The following C7orf57 variants were observed in gnomAD, a reference collection of about 807,000 sequenced individuals.
C7orf57 encodes uncharacterized protein C7orf57.
In C7orf57, 33 loss-of-function variants were observed where a neutral mutation model predicts 39.0. The observed-to-expected ratio is 0.85, with a 90% CI of 0.64 to 1.13. The LOEUF (loss-of-function observed/expected upper bound fraction) is 1.13. Ranked by LOEUF, C7orf57 falls within the 50% of genes most tolerant of loss-of-function variation. The pLI is 0.00. For missense variants in C7orf57, 346 were observed against 362.3 expected (o/e 0.95, Z 0.37); for synonymous variants, 124 against 137.1 (o/e 0.90, Z 0.67).
intron 6 of C7orf57, among the ~76,000 whole-genome samples, chr7:48,051,747 TTCTTTTCTTTC>T (rs1266305336): frequency 1.0e-4 from 6 of 59,202 alleles, no homozygotes; most frequent in African/African-American, 3.2e-4. Context: ...TTCTTTCTTT[TTCTTTTCTTTC>T]TTTCTTTCTT....
At position 48,035,643 on chromosome 7, in the gene C7orf57, G is replaced by A. The variant is rs917437387; in HGVS notation, c.-102+13G>A. 2 of 668,884 alleles carry A rather than the reference G, an allele frequency of 3.0e-6. No homozygotes were observed. 41.4% of individuals were successfully genotyped at this position (668,884 alleles called of 1,614,324 possible). ...CCGCGGGGAGCTGGTGAGCCTGAGC[G>A]GGCTGGAGGACAATGGGGGCGCCCA... is the stretch of plus-strand genomic sequence containing the variant. On this transcript the variant is annotated intron_variant, in intron 1 of 8. Transcript: ENST00000348904. This position sits in a 1 kb window ranked among gnomAD's most constrained non-coding sequence, Gnocchi z 4.0.
intron 6 of C7orf57, among the ~76,000 whole-genome samples, chr7:48,051,843 CTTTCTT>C (rs1203488059): frequency 1.6e-5 from 1 of 63,230 alleles, no homozygotes; most frequent in East Asian, 3.2e-4. Context: ...TTCTTTCTTT[CTTTCTT>C]TCTTTCTTTC....
chr7:48,054,842 T>TTAA (rs1791064197), intron 8 of C7orf57, among the ~76,000 whole-genome samples: 1 of 147,312 alleles, frequency 6.8e-6, no homozygotes, highest in South Asian at 2.1e-4. Flanking sequence ...TACAACAGGA[T>TTAA]GAAGATGATG....
intron 2 of C7orf57, among the ~76,000 whole-genome samples, chr7:48,038,879 G>A (rs1363937996): frequency 2.0e-5 from 3 of 152,112 alleles, no homozygotes; most frequent in African/African-American, 7.2e-5. Context: ...GGTGGGGGGT[G>A]GTTCCAGGTC....
At chr7:48,044,106 T>A (rs912777382) in intron 4 of C7orf57, among the ~76,000 whole-genome samples, 3 of 152,156 alleles carry the variant, frequency 2.0e-5, no homozygotes, top group African/African-American at 7.2e-5. Flanking sequence ...GGCACTTAGC[T>A]GCGCAGGAAC....
intron 4 of C7orf57, among the ~76,000 whole-genome samples, chr7:48,044,004 C>A (rs1460538770): frequency 6.6e-6 from 1 of 152,094 alleles, no homozygotes; most frequent in African/African-American, 2.4e-5. Context: ...TTGGGCCATG[C>A]ATGAGTGTTA....
Position 48,036,292 on chromosome 7 carries a change from G to A in C7orf57, c.-17G>A, listed in dbSNP as rs1790355154. On this transcript the variant is annotated 5_prime_UTR_variant, in exon 2 of 9. Coordinates refer to ENST00000348904, the MANE Select transcript of C7orf57 (RefSeq NM_001100159.3). ...CCGGCAGCATCTGTCTTTTCCCGCA[G>A]CGTGCAGCGCCTGACCATGAGGAAC... 2.5e-6 allele frequency: 4 copies of A among 1,574,282 alleles called. No individual in the cohort carries two copies. Among genetic ancestry groups the A allele is most frequent in the African/African-American group, 2.7e-5 (2 of 73,976 alleles).
chr7:48,057,948 G>A (rs1187750023), intron 8 of C7orf57, among the ~76,000 whole-genome samples: 1 of 151,968 alleles, frequency 6.6e-6, no homozygotes, highest in Non-Finnish European at 1.5e-5. Context: ...CACATTTAAT[G>A]ATATATTATG....
At chr7:48,047,912 T>C (rs1177928172) in intron 5 of C7orf57, among the ~76,000 whole-genome samples, 1 of 152,166 alleles carries the variant, frequency 6.6e-6, no homozygotes, top group Non-Finnish European at 1.5e-5. Context: ...CTCTTAGTGT[T>C]GCACAAGTGA....
chr7:48,047,389 T>C (rs1414387661), intron 5 of C7orf57, among the ~76,000 whole-genome samples: 4 of 152,240 alleles, frequency 2.6e-5, no homozygotes, highest in Non-Finnish European at 4.4e-5. Context: ...GTGAACACCG[T>C]TGTCACCTGA....
intron 6 of C7orf57, among the ~76,000 whole-genome samples, chr7:48,050,673 A>G (rs975837356): frequency 2.0e-5 from 3 of 152,224 alleles, no homozygotes; most frequent in African/African-American, 7.2e-5. Flanking sequence ...GTAAGTATAT[A>G]TGTATACCTA....
At chr7:48,036,153 C>T in intron 1 of C7orf57, 55 bp from the exon 2 acceptor site, 1 of 731,736 alleles carries the variant, frequency 1.4e-6, no homozygotes, top group Non-Finnish European at 2.4e-6. Context: ...GCAGGCGTGT[C>T]AGGGCGAGGC....
At chr7:48,050,784 C>G (rs1199239376) in intron 6 of C7orf57, among the ~76,000 whole-genome samples, 1 of 152,202 alleles carries the variant, frequency 6.6e-6, no homozygotes. Flanking sequence ...ATCCTCCCAC[C>G]TCAGCCTCCC....
chr7:48,043,084 T>G (rs1790598418), intron 3 of C7orf57, among the ~76,000 whole-genome samples: 1 of 152,138 alleles, frequency 6.6e-6, no homozygotes, highest in Admixed American at 6.5e-5. Context: ...GACCGTCCTA[T>G]GCTAGGAGAA....
chr7:48,046,367 A>G, intron 4 of C7orf57, 93 bp from the exon 5 acceptor site: 1 of 1,147,496 alleles, frequency 8.7e-7, no homozygotes, highest in Middle Eastern at 2.4e-4. Context: ...AGAAGGAGGG[A>G]GGGAAAGGGA....
Position 48,060,388 on chromosome 7 carries a change from AT to A in C7orf57, c.*117del. 1 of 592,858 alleles carries A rather than the reference AT, an allele frequency of 1.7e-6. No individual in the cohort carries two copies. Among genetic ancestry groups the A allele is most frequent in the Non-Finnish European group, 2.8e-6 (1 of 352,196 alleles). 36.7% of individuals were successfully genotyped at this position (592,858 alleles called of 1,614,324 possible). On this transcript the variant is annotated 3_prime_UTR_variant, in exon 9 of 9. Transcript: ENST00000348904. Reference sequence around the variant, plus strand: ...TTTTATTAATATAGACTCTCATTGAATAATTTACCTTGCAGCAGATTTGACA... The same window carrying A: ...TTTTATTAATATAGACTCTCATTGAAAATTTACCTTGCAGCAGATTTGACA...
intron 8 of C7orf57, among the ~76,000 whole-genome samples, chr7:48,059,526 T>C (rs1791228841): frequency 6.6e-6 from 1 of 152,116 alleles, no homozygotes; most frequent in Non-Finnish European, 1.5e-5. Context: ...AATTTTTGTA[T>C]TTTTTGTAGG....
intron 6 of C7orf57, among the ~76,000 whole-genome samples, chr7:48,051,755 TTTCTTTC>T (rs1298775136): frequency 6.3e-5 from 1 of 15,772 alleles, no homozygotes; most frequent in African/African-American, 1.8e-4. Flanking sequence ...TTTTCTTTTC[TTTCTTTC>T]TTTCTTTCTT....
At position 48,043,547 on chromosome 7, in the gene C7orf57, G is replaced by A. The variant is rs1444323182; in HGVS notation, c.308G>A (p.Trp103Ter). ...CCAGTGGCCTACTCCCTGCCAGACTGGTATATCCACCACAGCAAGCCACCG... is the reference window on the plus strand; with the variant it reads ...CCAGTGGCCTACTCCCTGCCAGACTAGTATATCCACCACAGCAAGCCACCG... ...GSPVAYSLPD[W>*]YIHHSKPPTA... Residue 103 changes from tryptophan to a stop codon, truncating the protein, a stop_gained, in exon 4 of 9, where the codon TGG becomes TAG. Transcript: ENST00000348904. LOFTEE classifies it high-confidence loss of function. 2 of 1,613,846 alleles carry A rather than the reference G, an allele frequency of 1.2e-6. No homozygotes were observed. The highest frequency in any genetic ancestry group is 1.7e-5 in the Admixed American group (1 of 60,006).
Sources: gnomAD v4.1 joint callset for allele counts (sites outside exome capture counted in the v4.1 genomes callset) on GRCh38, gnomAD v4.1.1 for gene constraint, Gnocchi (gnomAD v3.1) non-coding constraint, MANE v1.5 for transcripts, NCBI Gene and HGNC (gene_info 2026-07-23, HGNC 2026-07-21) for gene names.